Variants in CARMIL1 observed in about 807,000 individuals in gnomAD.
CARMIL1 encodes the protein F-actin-uncapping protein LRRC16A.
In CARMIL1, 90 loss-of-function variants were observed where a neutral mutation model predicts 177.1. That is an observed-to-expected ratio of 0.51 (90% CI 0.43 to 0.61). The LOEUF (loss-of-function observed/expected upper bound fraction) is 0.61. Ranked by LOEUF, CARMIL1 falls within the 20% of genes least tolerant of loss-of-function variation. The probability of loss-of-function intolerance (pLI) is 0.00; values close to 1 mark genes in which losing one functional copy is unlikely to be tolerated. For synonymous variants in CARMIL1, 577 were observed against 606.2 expected (o/e 0.95, Z 0.71); for missense variants, 1,380 against 1,667.0 (o/e 0.83, Z 3.00).
intron 2 of CARMIL1, among the ~76,000 whole-genome samples, chr6:25,377,206 GA>G (rs997003482): frequency 3.3e-5 from 5 of 152,222 alleles, no homozygotes; most frequent in African/African-American, 1.2e-4. Flanking sequence ...ATGAAGAGGA[GA>G]AGAAATCACC....
Position 25,426,624 on chromosome 6 carries a change from T to C in CARMIL1, c.249+64T>C, listed in dbSNP as rs188215087. Reference sequence around the variant, plus strand: ...TTCTTGAATTCTTGAAACCCTAAAATGTTCCTTGAGACAATGTGGATAAAC... The same window carrying C: ...TTCTTGAATTCTTGAAACCCTAAAACGTTCCTTGAGACAATGTGGATAAAC... On this transcript the variant is annotated intron_variant, in intron 4 of 36. Transcript: ENST00000329474. 17 of 1,466,856 alleles carry C rather than the reference T, an allele frequency of 1.2e-5. No individual in the cohort carries two copies. The Admixed American group carries it at 3.0e-4, about 26-fold the overall frequency. The allele number at this position is 1,466,856 out of a possible 1,614,324, so 90.9% of individuals were successfully genotyped here.
intron 26 of CARMIL1, among the ~76,000 whole-genome samples, chr6:25,547,036 T>C (rs983305855): frequency 6.6e-6 from 1 of 151,984 alleles, no homozygotes; most frequent in Non-Finnish European, 1.5e-5. Flanking sequence ...CCAGCCTGGG[T>C]AACAGAGCGA....
intron 2 of CARMIL1, among the ~76,000 whole-genome samples, chr6:25,334,738 C>CA (rs1364277419): frequency 1.3e-5 from 2 of 152,152 alleles, no homozygotes; most frequent in East Asian, 3.8e-4. Context: ...CCTTTAACAG[C>CA]ACCCTTCTGT....
intron 31 of CARMIL1, among the ~76,000 whole-genome samples, chr6:25,585,785 C>T (rs953910579): frequency 3.3e-5 from 5 of 151,858 alleles, no homozygotes; most frequent in Non-Finnish European, 7.3e-5. Flanking sequence ...ATCTGTTTAA[C>T]AAAGCACATC....
chr6:25,422,814 G>A (rs1309059812), intron 3 of CARMIL1, among the ~76,000 whole-genome samples: 1 of 152,150 alleles, frequency 6.6e-6, no homozygotes, highest in Non-Finnish European at 1.5e-5. Context: ...CTCTTGTGAA[G>A]TCACCTGCCT....
At chr6:25,618,635 G>C (rs1224265433) in intron 36 of CARMIL1, among the ~76,000 whole-genome samples, 1 of 152,192 alleles carries the variant, frequency 6.6e-6, no homozygotes, top group African/African-American at 2.4e-5. Context: ...CTGCCTTACA[G>C]AAGGTAATTG....
intron 36 of CARMIL1, among the ~76,000 whole-genome samples, chr6:25,614,780 T>C (rs975284445): frequency 1.3e-5 from 2 of 152,230 alleles, no homozygotes; most frequent in Non-Finnish European, 2.9e-5. Flanking sequence ...CCAGTGCCTA[T>C]TGATCATCCA....
chr6:25,364,572 C>CTTTTTTTTTTTTTTTTTTTTTTT (rs199573991), intron 2 of CARMIL1, among the ~76,000 whole-genome samples: 1 of 150,468 alleles, frequency 6.6e-6, no homozygotes, highest in African/African-American at 2.4e-5. Context: ...TCTTTTTCTT[C>CTTTTTTTTTTTTTTTTTTTTTTT]TTTTTTTTGA....
rs974568748 is a variant in CARMIL1, at chr6:25,514,043, A to G, written c.1633-1632A>G. On this transcript the variant is annotated intron_variant, in intron 20 of 36. Transcript: ENST00000329474. The stretch of plus-strand genomic sequence containing the variant: ...AAGGAATGCAAACTCAAATGCCCAC[A>G]GGGCTAGGAAGGCAACATAAACTAG... 1.7e-4 allele frequency among the ~76,000 whole-genome samples: 26 copies of G among 152,348 alleles called. 2 individuals carry two copies. Among genetic ancestry groups the G allele is most frequent in the Admixed American group, 1.4e-3 (22 of 15,308 alleles).
rs148368767 is a variant in CARMIL1 at position 25,305,747 on chromosome 6, T to C, written c.138+20838T>C. On this transcript the variant is annotated intron_variant, in intron 2 of 36. Transcript: ENST00000329474. ...ATGAAGCAATACAACATTTCTCTTA[T>C]GGGGACTGGGAGAGAACTGACATCC... Among the ~76,000 whole-genome samples the C allele has an allele frequency of 4.3e-3, 658 of 152,298 alleles. 7 individuals carry two copies. Among genetic ancestry groups the C allele is most frequent in the African/African-American group, 0.014 (597 of 41,562 alleles).
intron 2 of CARMIL1, among the ~76,000 whole-genome samples, chr6:25,310,667 A>G (rs1783736648): frequency 1.3e-5 from 2 of 152,222 alleles, no homozygotes; most frequent in African/African-American, 4.8e-5. Context: ...AGCTTTAAAT[A>G]TGGTTCCACT....
chr6:25,304,666 C>T (rs1312084924), intron 2 of CARMIL1, among the ~76,000 whole-genome samples: 2 of 152,202 alleles, frequency 1.3e-5, no homozygotes, highest in Non-Finnish European at 2.9e-5. Context: ...TAACAGGCCA[C>T]AGACTGGTAC....
chr6:25,547,758 A>G (rs2151156384), intron 26 of CARMIL1, among the ~76,000 whole-genome samples: 1 of 152,288 alleles, frequency 6.6e-6, no homozygotes, highest in East Asian at 1.9e-4. Flanking sequence ...ATGAGTGTTC[A>G]TCAGATTCTC....
At chr6:25,510,149 C>T (rs907378220) in intron 18 of CARMIL1, among the ~76,000 whole-genome samples, 8 of 152,176 alleles carry the variant, frequency 5.3e-5, no homozygotes, top group East Asian at 1.9e-4. Context: ...GCATAGACAA[C>T]TTTAACTCCA....
At chr6:25,487,094 C>A (rs1802736675) in intron 12 of CARMIL1, among the ~76,000 whole-genome samples, 1 of 152,152 alleles carries the variant, frequency 6.6e-6, no homozygotes, top group African/African-American at 2.4e-5. Flanking sequence ...CAAATGTGCG[C>A]CCACTTTGAG....
chr6:25,558,922 T>C lies in CARMIL1; in HGVS notation c.2742+2072T>C, dbSNP rs976992087. Among the ~76,000 whole-genome samples the C allele has an allele frequency of 6.6e-6, 1 of 152,210 alleles. No individual in the cohort carries two copies. Among genetic ancestry groups the C allele is most frequent in the Non-Finnish European group, 1.5e-5 (1 of 68,034 alleles). ...TTTGTTCTAATAAATATTGTCTTCATTCATTGTTCTAACTAGGCTAATAAG... is the reference window on the plus strand; with the variant it reads ...TTTGTTCTAATAAATATTGTCTTCACTCATTGTTCTAACTAGGCTAATAAG... On this transcript the variant is annotated intron_variant, in intron 29 of 36. Coordinates refer to ENST00000329474, the MANE Select transcript of CARMIL1 (RefSeq NM_017640.6). The surrounding 1 kb of genome is among the most constrained non-coding windows in gnomAD (Gnocchi z 4.1).
intron 8 of CARMIL1, among the ~76,000 whole-genome samples, chr6:25,451,370 TAATA>T (rs1798902271): frequency 6.6e-6 from 1 of 152,218 alleles, no homozygotes; most frequent in African/African-American, 2.4e-5. Flanking sequence ...GGATGAACTT[TAATA>T]CTGAAATTCT....
rs569591562 is a variant in CARMIL1, at chr6:25,327,271, C to T, written c.138+42362C>T. 2.0e-5 allele frequency among the ~76,000 whole-genome samples: 3 copies of T among 152,070 alleles called. No individual in the cohort carries two copies. In the East Asian group the frequency reaches 5.8e-4, roughly 29 times the overall value. ...AGAGCCAGCAAAAGAACAGAAAGAACGGCCAGGGAGAGAAGAGAAGAAAAC... is the reference window on the plus strand; with the variant it reads ...AGAGCCAGCAAAAGAACAGAAAGAATGGCCAGGGAGAGAAGAGAAGAAAAC... On this transcript the variant is annotated intron_variant, in intron 2 of 36. Transcript: ENST00000329474.
At chr6:25,429,869 C>T (rs35154461) in intron 4 of CARMIL1, among the ~76,000 whole-genome samples, 1,873 of 150,354 alleles carry the variant, frequency 0.012, 21 homozygotes, top group Non-Finnish European at 0.021. Flanking sequence ...ATTTTTGAGA[C>T]GGAGTCTCAC....
Sources: allele counts gnomAD v4.1 joint callset (sites outside exome capture counted in the v4.1 genomes callset), GRCh38; gene constraint gnomAD v4.1.1; non-coding constraint Gnocchi (gnomAD v3.1); transcripts MANE v1.5; gene names NCBI Gene and HGNC (gene_info 2026-07-23, HGNC 2026-07-21).